Variants in CPLX1 observed in about 807,000 individuals in gnomAD.
The protein encoded by CPLX1 is complexin-1.
CPLX1 carries 6 observed loss-of-function variants against 15.6 expected under a neutral mutation model. That is an observed-to-expected ratio of 0.39 (90% CI 0.21 to 0.76). The LOEUF (loss-of-function observed/expected upper bound fraction) is 0.76, where lower values mean the gene tolerates loss of function less well. CPLX1 is among the 30% of genes least tolerant of loss of function. CPLX1 has a pLI of 0.43. For synonymous variants in CPLX1, 91 were observed against 75.2 expected (o/e 1.21, Z -1.08); for missense variants, 242 against 188.6 (o/e 1.28, Z -1.66).
Position 792,486 on chromosome 4 carries a change from A to T in CPLX1, c.154T>A (p.Tyr52Asn). Residue 52 changes from tyrosine to asparagine, a missense_variant, in exon 3 of 4, where the codon TAC becomes AAC. By Grantham distance (143) the Tyr-to-Asn change is moderately radical. Transcript: ENST00000304062. ...RQAEEERKAK[Y>N]AKMEAEREAV... ...TCGCGCTCCGCCTCCATCTTGGCGT[A>T]CTTGGCCTTGCGCTCCTCCTCCGCC... The T allele has an allele frequency of 6.2e-7, 1 of 1,612,226 alleles. No individual in the cohort carries two copies. Among genetic ancestry groups the T allele is most frequent in the Non-Finnish European group, 8.5e-7 (1 of 1,179,410 alleles).
At chr4:824,925 C>T (rs1746948046) in intron 1 of CPLX1, 1 of 384,102 alleles carries the variant, frequency 2.6e-6, no homozygotes, top group Admixed American at 3.6e-5. Flanking sequence ...TTGAAGGTGA[C>T]TGCTCCGCTC....
chr4:796,400 C>T (rs1331136950), intron 2 of CPLX1, among the ~76,000 whole-genome samples: 1 of 152,174 alleles, frequency 6.6e-6, no homozygotes, highest in Non-Finnish European at 1.5e-5. Flanking sequence ...ATTCCCTTGC[C>T]TCCGCCTCCT....
chr4:817,365 G>A (rs1226012172), intron 2 of CPLX1, among the ~76,000 whole-genome samples: 1 of 151,028 alleles, frequency 6.6e-6, no homozygotes, highest in Non-Finnish European at 1.5e-5. Context: ...ACCAGCCTGG[G>A]CAACACAGTG....
At chr4:813,977 G>A (rs1746705500) in intron 2 of CPLX1, among the ~76,000 whole-genome samples, 1 of 152,228 alleles carries the variant, frequency 6.6e-6, no homozygotes, top group African/African-American at 2.4e-5. Flanking sequence ...CGGAAAAGGA[G>A]CTTGTAACAA....
At chr4:810,869 G>T (rs998430972) in intron 2 of CPLX1, among the ~76,000 whole-genome samples, 7 of 151,620 alleles carry the variant, frequency 4.6e-5, no homozygotes, top group Admixed American at 3.3e-4. Context: ...GCTAATTTTT[G>T]TATTCTTAGT....
At chr4:820,963 G>A (rs564523169) in intron 2 of CPLX1, among the ~76,000 whole-genome samples, 27 of 152,256 alleles carry the variant, frequency 1.8e-4, no homozygotes, top group African/African-American at 5.5e-4. Flanking sequence ...GGCCGTCCAC[G>A]AGACACTTCT....
chr4:817,118 T>C (rs142712049), intron 2 of CPLX1, among the ~76,000 whole-genome samples: 7 of 152,102 alleles, frequency 4.6e-5, no homozygotes, highest in Non-Finnish European at 8.8e-5. Context: ...ACAGTGCACA[T>C]TAAACAGATG....
chr4:792,209 G>C (rs748596106), intron 3 of CPLX1, among the ~76,000 whole-genome samples: 1 of 152,230 alleles, frequency 6.6e-6, no homozygotes, highest in Non-Finnish European at 1.5e-5. Context: ...AAGCCCGCCA[G>C]GGCTGGCGCT....
At chr4:804,670 G>A in intron 2 of CPLX1, 1 of 916,196 alleles carries the variant, frequency 1.1e-6, no homozygotes, top group Non-Finnish European at 1.3e-6. Context: ...GTTCTTTTTG[G>A]GGCTTTGGAT....
At chr4:787,790 G>T in intron 3 of CPLX1, 1 of 985,324 alleles carries the variant, frequency 1.0e-6, no homozygotes, top group Non-Finnish European at 1.2e-6. Flanking sequence ...CAGCCCTCCC[G>T]TGAGCCACCA....
At chr4:823,231 G>A (rs1173713326) in intron 2 of CPLX1, among the ~76,000 whole-genome samples, 2 of 152,178 alleles carry the variant, frequency 1.3e-5, no homozygotes, top group Non-Finnish European at 2.9e-5. Context: ...GCCCGGTGAC[G>A]CAGCCATTAT....
chr4:803,278 G>A lies in CPLX1; in HGVS notation c.32-10670C>T, dbSNP rs146730860. On this transcript the variant is annotated intron_variant, in intron 2 of 3. Coordinates refer to ENST00000304062, the MANE Select transcript of CPLX1 (RefSeq NM_006651.4). ...GCTGTTTCGAAGGGTCCAGTGAAGCGCATGAAAAGATAAGACACAGTCATG... is the reference window on the plus strand; with the variant it reads ...GCTGTTTCGAAGGGTCCAGTGAAGCACATGAAAAGATAAGACACAGTCATG... Among the ~76,000 whole-genome samples, 622 of 152,322 alleles carry A rather than the reference G, an allele frequency of 4.1e-3. 2 individuals carry two copies. The highest frequency in any genetic ancestry group is 0.014 in the African/African-American group (595 of 41,566).
chr4:795,041 G>C (rs1746291462), intron 2 of CPLX1, among the ~76,000 whole-genome samples: 1 of 152,222 alleles, frequency 6.6e-6, no homozygotes, highest in Non-Finnish European at 1.5e-5. Context: ...AAGGAGCCGA[G>C]GATTCGTGCT....
At chr4:789,563 G>A (rs1004939224) in intron 3 of CPLX1, among the ~76,000 whole-genome samples, 6 of 152,170 alleles carry the variant, frequency 3.9e-5, no homozygotes, top group South Asian at 2.1e-4. Flanking sequence ...CAGAAGGCCC[G>A]TGCAGGAAGG....
chr4:787,062 A>T (rs1440214931), intron 3 of CPLX1: 1 of 985,300 alleles, frequency 1.0e-6, no homozygotes, highest in Admixed American at 6.1e-5. Flanking sequence ...GGTGGGCAGG[A>T]TGCTGCGTGG....
At chr4:824,883 C>G (rs781711351) in intron 1 of CPLX1, 4 of 455,018 alleles carry the variant, frequency 8.8e-6, no homozygotes, top group South Asian at 7.3e-5. Flanking sequence ...TGGCGCCAGG[C>G]TGCGGAAGCA....
intron 2 of CPLX1, chr4:804,940 G>C (rs1746527107): frequency 2.0e-6 from 2 of 985,504 alleles, no homozygotes; most frequent in Non-Finnish European, 2.4e-6. Context: ...AGCACGTGCG[G>C]AGTTCACCCG....
At chr4:804,333 C>T (rs1398562813) in intron 2 of CPLX1, among the ~76,000 whole-genome samples, 1 of 152,196 alleles carries the variant, frequency 6.6e-6, no homozygotes, top group African/African-American at 2.4e-5. Flanking sequence ...GGCAGCATGG[C>T]TAAATACAAT....
intron 2 of CPLX1, among the ~76,000 whole-genome samples, chr4:809,590 G>A (rs893000741): frequency 8.5e-5 from 13 of 152,370 alleles, no homozygotes; most frequent in South Asian, 4.1e-4. Flanking sequence ...CATCACAAAG[G>A]TAGGCGTCCT....
Sources: gnomAD v4.1 joint callset for allele counts (sites outside exome capture counted in the v4.1 genomes callset) on GRCh38, gnomAD v4.1.1 for gene constraint, MANE v1.5 for transcripts, NCBI Gene and HGNC (gene_info 2026-07-23, HGNC 2026-07-21) for gene names.